Variants in TAPBPL observed in about 807,000 individuals in gnomAD.
TAPBPL encodes tapasin-related protein.
In TAPBPL, 32 loss-of-function variants were observed where a neutral mutation model predicts 44.8. The observed-to-expected ratio is 0.71, with a 90% CI of 0.54 to 0.96. The LOEUF (loss-of-function observed/expected upper bound fraction) is 0.96, where lower values mean the gene tolerates loss of function less well. Ranked by LOEUF, TAPBPL falls within the 40% of genes least tolerant of loss-of-function variation. The pLI is 0.00. For missense variants in TAPBPL, 520 were observed against 586.6 expected (o/e 0.89, Z 1.17); for synonymous variants, 230 against 240.7 (o/e 0.96, Z 0.41).
At chr12:6,455,525 A>G (rs1180910253) in intron 3 of TAPBPL, among the ~76,000 whole-genome samples, 2 of 152,234 alleles carry the variant, frequency 1.3e-5, no homozygotes, top group East Asian at 3.8e-4. Context: ...ATTATCAGTG[A>G]TAAAATACTC....
At chr12:6,471,629 A>T in the TAPBPL span, among the ~76,000 whole-genome samples, 4 of 152,186 alleles carry the variant, frequency 2.6e-5, no homozygotes, top group African/African-American at 9.6e-5. This position sits in a 1 kb window ranked among gnomAD's most constrained non-coding sequence, Gnocchi z 4.0. Flanking sequence ...GGAGTTCGAG[A>T]CCAGCCTGGC....
At chr12:6,462,743 C>A (rs1949910927), downstream of TAPBPL, 1 of 1,377,754 alleles carries the variant, frequency 7.3e-7, no homozygotes, top group Middle Eastern at 2.0e-4. Context: ...AGCGGTGACC[C>A]CCTGCATTAG....
downstream of TAPBPL, among the ~76,000 whole-genome samples, chr12:6,468,256 G>C (rs1033149405): frequency 2.0e-5 from 3 of 152,244 alleles, no homozygotes; most frequent in Non-Finnish European, 4.4e-5. Flanking sequence ...ATGTCTGTCA[G>C]CTCACCCCTT....
Position 6,457,432 on chromosome 12 carries a change from CAATCCCTG to C in TAPBPL, c.594_601del (p.Ser199LeufsTer104). The C allele has an allele frequency of 6.2e-7, 1 of 1,614,168 alleles. No homozygotes were observed. Among genetic ancestry groups the C allele is most frequent in the Non-Finnish European group, 8.5e-7 (1 of 1,180,002 alleles). Reference sequence around the variant, plus strand: ...GGAGTTCCAGGTGATGACACAGACCCAATCCCTGAGCTTCCTGCTGGGGTCCTCAGCCT... The same window carrying C: ...GGAGTTCCAGGTGATGACACAGACCCAGCTTCCTGCTGGGGTCCTCAGCCT... On this transcript the variant is annotated frameshift_variant, in exon 4 of 7. Transcript: ENST00000266556. LOFTEE classifies it high-confidence loss of function.
chr12:6,462,071 G>A lies in TAPBPL; in HGVS notation c.1329G>A (p.Trp443Ter). ...TTGGGCTGCTTCAGGCTGAACGCTG[G>A]GAGACCACTTCCTGTGCTGACACAC... Reference protein sequence around the residue: ...TGLGLLQAERWETTSCADTQS... With the variant: ...TGLGLLQAER Residue 443 changes from tryptophan (W) to a stop codon, truncating the protein, a stop_gained, in exon 7 of 7, where the codon TGG (tryptophan) becomes TGA (stop). Coordinates refer to ENST00000266556, the MANE Select transcript of TAPBPL (RefSeq NM_018009.5). LOFTEE classifies it low-confidence loss of function (END_TRUNC). 1.2e-6 allele frequency: 2 copies of A among 1,613,764 alleles called. No homozygotes were observed. The highest frequency in any genetic ancestry group is 1.7e-6 in the Non-Finnish European group (2 of 1,179,654).
In TAPBPL at chr12:6,452,323, G is replaced by A. The variant is rs1327031285; in HGVS notation, c.64+11G>A. ...GAGCAGCAGAAACCAGTGAGTCTGG[G>A]AGTCGGGGAGAGCTGGCTGGGAGAA... On this transcript the variant is annotated intron_variant, in intron 1 of 6. Coordinates refer to ENST00000266556, the MANE Select transcript of TAPBPL (RefSeq NM_018009.5). The A allele has an allele frequency of 1.3e-6, 2 of 1,569,062 alleles. No individual in the cohort carries two copies. The highest frequency in any genetic ancestry group is 2.7e-5 in the African/African-American group (2 of 74,586).
downstream of TAPBPL, chr12:6,470,634 C>T (rs1486794619): frequency 3.3e-6 from 5 of 1,516,210 alleles, no homozygotes; most frequent in East Asian, 2.3e-5. Context: ...CCAAGCTCCG[C>T]CTCGCGCCGA....
chr12:6,452,747 G>C (rs1189740793), intron 1 of TAPBPL: 2 of 602,302 alleles, frequency 3.3e-6, no homozygotes, highest in Non-Finnish European at 5.3e-6. Context: ...CTCTGCGGTG[G>C]CACTTGCTTG....
rs376284563 is a variant in TAPBPL, at chr12:6,453,332, G to A, written c.295+35G>A. Reference sequence around the variant, plus strand: ...TTCCACCTGTGTCCTTGGTCCTCCCGGGCTCCCTCCACCAGGACAGCCCAG... The same window carrying A: ...TTCCACCTGTGTCCTTGGTCCTCCCAGGCTCCCTCCACCAGGACAGCCCAG... On this transcript the variant is annotated intron_variant, in intron 2 of 6. Coordinates refer to ENST00000266556, the MANE Select transcript of TAPBPL (RefSeq NM_018009.5). The surrounding 1 kb of genome is among the most constrained non-coding windows in gnomAD (Gnocchi z 4.8). 2.9e-5 allele frequency: 47 copies of A among 1,611,038 alleles called. No homozygotes were observed. Among genetic ancestry groups the A allele is most frequent in the Admixed American group, 1.8e-4 (11 of 59,626 alleles).
At chr12:6,470,065 G>A (rs546288083), downstream of TAPBPL, among the ~76,000 whole-genome samples, 40 of 152,290 alleles carry the variant, frequency 2.6e-4, 1 homozygote, top group Admixed American at 2.0e-4. Context: ...CTTTGGGTGA[G>A]GGGTAAACAA....
At position 6,453,095 on chromosome 12, in the gene TAPBPL, G is replaced by A. The variant is rs775888939; in HGVS notation, c.93G>A (p.Arg31=). Reference sequence around the variant, plus strand: ...CCCACCCAGCAGAGGGGCAGTGGCGGGCAGTGGACGTGGTCCTAGACTGCT... The same window carrying A: ...CCCACCCAGCAGAGGGGCAGTGGCGAGCAGTGGACGTGGTCCTAGACTGCT... ...TKPHPAEGQW[R]AVDVVLDCFL... The change falls in exon 2 of 7, where the codon CGG becomes CGA. Residue 31 remains arginine, a synonymous_variant. Coordinates refer to ENST00000266556, the MANE Select transcript of TAPBPL (RefSeq NM_018009.5). This position sits in a 1 kb window ranked among gnomAD's most constrained non-coding sequence, Gnocchi z 4.8. 6.3e-6 allele frequency: 10 copies of A among 1,577,324 alleles called. No homozygotes were observed. The highest frequency in any genetic ancestry group is 8.6e-6 in the Non-Finnish European group (10 of 1,161,306).
At chr12:6,455,081 A>C (rs1314991985) in intron 3 of TAPBPL, among the ~76,000 whole-genome samples, 1 of 152,164 alleles carries the variant, frequency 6.6e-6, no homozygotes, top group Admixed American at 6.5e-5. Context: ...ACCTACAAAA[A>C]AAGGTGAAAT....
At chr12:6,457,336 C>G in intron 3 of TAPBPL, 70 bp from the exon 4 acceptor site, 1 of 1,489,066 alleles carries the variant, frequency 6.7e-7, no homozygotes, top group Middle Eastern at 1.8e-4. Flanking sequence ...ACAACATGCC[C>G]ACAGCTTGGA....
downstream of TAPBPL, chr12:6,470,661 C>G: frequency 8.0e-7 from 1 of 1,248,380 alleles, no homozygotes; most frequent in South Asian, 1.3e-5. Flanking sequence ...CGCGGTCTAG[C>G]TGCGCTGGAA....
At chr12:6,458,205 G>A (rs188162195) in intron 4 of TAPBPL, among the ~76,000 whole-genome samples, 48 of 152,186 alleles carry the variant, frequency 3.2e-4, no homozygotes, top group African/African-American at 9.4e-4. Flanking sequence ...GTGAAACTCC[G>A]TCTCTACTAA....
At chr12:6,465,259 A>AT, downstream of TAPBPL, 2 of 443,928 alleles carry the variant, frequency 4.5e-6, no homozygotes, top group Non-Finnish European at 8.8e-6. Flanking sequence ...AATTAGTTCA[A>AT]TTTTCACTGT....
chr12:6,457,853 A>T, intron 4 of TAPBPL, 109 bp downstream of exon 4: 1 of 1,232,476 alleles, frequency 8.1e-7, no homozygotes, highest in Non-Finnish European at 1.1e-6. Context: ...AGCAGGCTTC[A>T]ATCCCACAAC....
chr12:6,456,611 G>A (rs559766765), intron 3 of TAPBPL, among the ~76,000 whole-genome samples: 38 of 149,964 alleles, frequency 2.5e-4, no homozygotes, highest in East Asian at 8.0e-4. Flanking sequence ...TGATCCACCC[G>A]CCTGGGCTTC....
chr12:6,461,062 C>A lies in TAPBPL; in HGVS notation c.1291+124C>A, dbSNP rs545100280. ...TCCAGCCACCCACCCATCACAGCCT[C>A]CTGCTTTTGAGTTTGCCCTAAATGA... On this transcript the variant is annotated intron_variant, in intron 6 of 6. Transcript: ENST00000266556. 705 of 1,510,910 alleles carry A rather than the reference C, an allele frequency of 4.7e-4. 1 individual carries two copies. The highest frequency in any genetic ancestry group is 5.8e-4 in the Non-Finnish European group (652 of 1,132,360). 93.6% of individuals were successfully genotyped at this position (1,510,910 alleles called of 1,614,324 possible).
Sources: allele counts gnomAD v4.1 joint callset (sites outside exome capture counted in the v4.1 genomes callset), GRCh38; gene constraint gnomAD v4.1.1; non-coding constraint Gnocchi (gnomAD v3.1); transcripts MANE v1.5; gene names NCBI Gene and HGNC (gene_info 2026-07-23, HGNC 2026-07-21).